The following SH3GL2 variants were observed in gnomAD, a reference collection of about 807,000 sequenced individuals.
SH3GL2 encodes SH3 domain containing GRB2 like 2, endophilin A1.
A neutral mutation model predicts 46.0 loss-of-function variants in SH3GL2; 24 were observed. The ratio of observed to expected loss-of-function variants is 0.52; its 90% confidence interval spans 0.38 to 0.73. The LOEUF (loss-of-function observed/expected upper bound fraction) is 0.73. Ranked by LOEUF, SH3GL2 falls within the 30% of genes least tolerant of loss-of-function variation. SH3GL2 has a pLI of 0.00. For synonymous variants in SH3GL2, 196 were observed against 147.1 expected (o/e 1.33, Z -2.40); for missense variants, 413 against 424.2 (o/e 0.97, Z 0.23).
intron 6 of SH3GL2, 71 bp from the exon 7 acceptor site, chr9:17,791,160 A>G: frequency 1.8e-6 from 2 of 1,083,040 alleles, no homozygotes; most frequent in Non-Finnish European, 2.9e-6. Flanking sequence ...TGGTGTATGT[A>G]TGAAACAGTA....
chr9:17,774,495 G>T (rs2131169545), intron 3 of SH3GL2, among the ~76,000 whole-genome samples: 1 of 151,654 alleles, frequency 6.6e-6, no homozygotes, highest in South Asian at 2.1e-4. Context: ...ATCATGAAAA[G>T]GTGTTGAACT....
intron 1 of SH3GL2, among the ~76,000 whole-genome samples, chr9:17,700,317 C>G (rs1460981418): frequency 6.6e-6 from 1 of 152,198 alleles, no homozygotes; most frequent in East Asian, 1.9e-4. Context: ...AGCCTTCCAA[C>G]CCTTTCACTG....
At chr9:17,685,861 T>C (rs1820892573) in intron 1 of SH3GL2, among the ~76,000 whole-genome samples, 1 of 152,024 alleles carries the variant, frequency 6.6e-6, no homozygotes, top group Admixed American at 6.6e-5. Context: ...CCTTGTAGTA[T>C]AGTTCAGGAC....
In SH3GL2 at chr9:17,746,222, C is replaced by G. The variant is rs1390948233; in HGVS notation, c.46-844C>G. Among the ~76,000 whole-genome samples the G allele has an allele frequency of 2.0e-5, 3 of 152,076 alleles. 1 individual carries two copies. Among genetic ancestry groups the G allele is most frequent in the South Asian group, 4.2e-4 (2 of 4,814 alleles). On this transcript the variant is annotated intron_variant, in intron 1 of 8. Coordinates refer to ENST00000380607, the MANE Select transcript of SH3GL2 (RefSeq NM_003026.5). ...TCCTGAGTAGCTGGGACTACAGGTG[C>G]CCGCCACCACGCCCAGCTAATTTTT...
At chr9:17,628,700 A>G (rs1388747339) in intron 1 of SH3GL2, among the ~76,000 whole-genome samples, 1 of 152,014 alleles carries the variant, frequency 6.6e-6, no homozygotes, top group East Asian at 1.9e-4. Context: ...TTTCAACCAA[A>G]AAGTTCTGGG....
chr9:17,720,740 C>T (rs1330093148), intron 1 of SH3GL2, among the ~76,000 whole-genome samples: 1 of 152,076 alleles, frequency 6.6e-6, no homozygotes, highest in Non-Finnish European at 1.5e-5. Flanking sequence ...AAGGACTTAC[C>T]ACTCAGTTTT....
At chr9:17,680,087 T>C (rs1034493585) in intron 1 of SH3GL2, among the ~76,000 whole-genome samples, 2 of 152,156 alleles carry the variant, frequency 1.3e-5, no homozygotes, top group African/African-American at 4.8e-5. Context: ...GGTCTAAAAT[T>C]CTCTTTTTTT....
At chr9:17,669,437 C>T (rs1820420631) in intron 1 of SH3GL2, among the ~76,000 whole-genome samples, 1 of 152,196 alleles carries the variant, frequency 6.6e-6, no homozygotes, top group African/African-American at 2.4e-5. Flanking sequence ...CCTCTTTCAT[C>T]TTCCCTAGCC....
At chr9:17,641,834 C>T (rs990892891) in intron 1 of SH3GL2, among the ~76,000 whole-genome samples, 1 of 150,318 alleles carries the variant, frequency 6.7e-6, no homozygotes, top group Non-Finnish European at 1.5e-5. Context: ...TTTATCCAGT[C>T]TATCACTGAT....
At chr9:17,683,850 A>G (rs1009365151) in intron 1 of SH3GL2, among the ~76,000 whole-genome samples, 25 of 152,124 alleles carry the variant, frequency 1.6e-4, no homozygotes, top group African/African-American at 5.8e-4. Flanking sequence ...GACGCCAAGG[A>G]CACATGAAAC....
At chr9:17,657,733 C>CGG (rs1820123118) in intron 1 of SH3GL2, among the ~76,000 whole-genome samples, 1 of 151,732 alleles carries the variant, frequency 6.6e-6, no homozygotes, top group Admixed American at 6.6e-5. Flanking sequence ...TTATCTGTAA[C>CGG]GGGAACAATA....
chr9:17,632,487 T>C (rs1250025194), intron 1 of SH3GL2, among the ~76,000 whole-genome samples: 1 of 152,154 alleles, frequency 6.6e-6, no homozygotes, highest in East Asian at 1.9e-4. Context: ...GCTGTCCGGG[T>C]GATTTACTGT....
chr9:17,680,592 A>G (rs1820741810), intron 1 of SH3GL2, among the ~76,000 whole-genome samples: 1 of 150,740 alleles, frequency 6.6e-6, no homozygotes, highest in Non-Finnish European at 1.5e-5. Flanking sequence ...TCCTGGATTC[A>G]TTGATTTTTT....
intron 3 of SH3GL2, among the ~76,000 whole-genome samples, chr9:17,771,313 T>G (rs1172849886): frequency 6.6e-6 from 1 of 152,166 alleles, no homozygotes; most frequent in Admixed American, 6.5e-5. Context: ...TCTTTGTGTT[T>G]TGAAACATGA....
At chr9:17,626,188 G>A (rs1353736837) in intron 1 of SH3GL2, among the ~76,000 whole-genome samples, 1 of 152,148 alleles carries the variant, frequency 6.6e-6, no homozygotes, top group East Asian at 1.9e-4. Flanking sequence ...GGTCTGGGAC[G>A]GGTCTGACCT....
intron 7 of SH3GL2, among the ~76,000 whole-genome samples, chr9:17,792,037 T>C (rs1183302527): frequency 2.0e-5 from 3 of 152,194 alleles, no homozygotes; most frequent in Non-Finnish European, 2.9e-5. Flanking sequence ...AACAGGATGA[T>C]TTTGCTGAAC....
chr9:17,744,275 A>T (rs1390866003), intron 1 of SH3GL2, among the ~76,000 whole-genome samples: 1 of 152,162 alleles, frequency 6.6e-6, no homozygotes, highest in African/African-American at 2.4e-5. Context: ...TGGTTTGGTG[A>T]TAGGGACAAT....
At chr9:17,773,244 C>T (rs1823542037) in intron 3 of SH3GL2, among the ~76,000 whole-genome samples, 2 of 151,888 alleles carry the variant, frequency 1.3e-5, no homozygotes, top group Non-Finnish European at 1.5e-5. Context: ...CAAATATTTT[C>T]CCCCATTCTG....
At chr9:17,679,294 C>G (rs1820701126) in intron 1 of SH3GL2, among the ~76,000 whole-genome samples, 2 of 151,996 alleles carry the variant, frequency 1.3e-5, no homozygotes, top group African/African-American at 4.8e-5. Context: ...TGTTTGTTTC[C>G]TCTTTTATTT....
Sources: allele counts gnomAD v4.1 joint callset (sites outside exome capture counted in the v4.1 genomes callset), GRCh38; gene constraint gnomAD v4.1.1; transcripts MANE v1.5; gene names NCBI Gene and HGNC (gene_info 2026-07-23, HGNC 2026-07-21).